The following LRP8 variants were observed in gnomAD, a reference collection of about 807,000 sequenced individuals.
LRP8 encodes the protein low-density lipoprotein receptor-related protein 8.
In LRP8, 46 loss-of-function variants were observed where a neutral mutation model predicts 111.6. That is an observed-to-expected ratio of 0.41 (90% CI 0.33 to 0.53). The LOEUF (loss-of-function observed/expected upper bound fraction) is 0.53. LRP8 is among the 20% of genes least tolerant of loss of function. The probability of loss-of-function intolerance (pLI) is 0.20; values close to 1 mark genes in which losing one functional copy is unlikely to be tolerated. For synonymous variants in LRP8, 464 were observed against 511.2 expected, an observed-to-expected ratio of 0.91 and a Z score of 1.24; for missense variants, 959 against 1,297.4, an observed-to-expected ratio of 0.74 and a Z score of 4.01.
intron 2 of LRP8, among the ~76,000 whole-genome samples, chr1:53,316,096 A>G (rs962230699): frequency 6.6e-6 from 1 of 152,228 alleles, no homozygotes; most frequent in Non-Finnish European, 1.5e-5. Context: ...ACTGAGGGCC[A>G]AGGAGGTTTC....
intron 12 of LRP8, 113 bp downstream of exon 12, chr1:53,261,955 T>G: frequency 7.7e-7 from 1 of 1,292,624 alleles, no homozygotes; most frequent in African/African-American, 1.5e-5. Flanking sequence ...AATCAGTTGG[T>G]TTCCCTGTTC....
At chr1:53,326,250 C>T (rs763840783) in intron 2 of LRP8, among the ~76,000 whole-genome samples, 3 of 152,370 alleles carry the variant, frequency 2.0e-5, no homozygotes, top group South Asian at 2.1e-4. Context: ...CACCTACCAC[C>T]CTAAGGATAT....
At position 53,249,472 on chromosome 1, in the gene LRP8, T is replaced by C. The variant is rs950484016; in HGVS notation, c.2761A>G (p.Lys921Glu). 6.8e-6 allele frequency: 11 copies of C among 1,613,932 alleles called. No homozygotes were observed. In the African/African-American group the frequency reaches 1.3e-4, roughly 20 times the overall value. ...TCCCCCGGCAAGACAAAAAGCTCCT[T>C]GAGGGCAGGGGCTGGGTCTTCCGGT... is the stretch of plus-strand genomic sequence containing the variant. ...REPEDPAPALKELFVLPGEPR... is the reference protein window; with the variant it reads ...REPEDPAPALEELFVLPGEPR... Residue 921 changes from lysine to glutamate, a missense_variant, in exon 18 of 19, where the codon AAG becomes GAG. Coordinates refer to ENST00000306052, the MANE Select transcript of LRP8 (RefSeq NM_004631.5). This position sits in a 1 kb window ranked among gnomAD's most constrained non-coding sequence, Gnocchi z 4.1.
chr1:53,312,068 A>G (rs1653102022), intron 2 of LRP8, among the ~76,000 whole-genome samples: 1 of 152,238 alleles, frequency 6.6e-6, no homozygotes, highest in African/African-American at 2.4e-5. Context: ...CATGGGACAC[A>G]GACAGACAGC....
intron 2 of LRP8, among the ~76,000 whole-genome samples, chr1:53,308,112 A>G (rs1225056224): frequency 6.6e-6 from 1 of 152,212 alleles, no homozygotes; most frequent in Non-Finnish European, 1.5e-5. Context: ...CTCTCCTATC[A>G]GACTGCACTG....
At chr1:53,270,824 ACC>A (rs1646736812) in intron 8 of LRP8, among the ~76,000 whole-genome samples, 1 of 152,028 alleles carries the variant, frequency 6.6e-6, no homozygotes, top group Non-Finnish European at 1.5e-5. Flanking sequence ...TCCTTAATAA[ACC>A]TTCGGCTTAT....
At position 53,250,200 on chromosome 1, in the gene LRP8, T is replaced by C. The variant is rs886263328; in HGVS notation, c.2676+490A>G. 3.3e-5 allele frequency among the ~76,000 whole-genome samples: 5 copies of C among 152,228 alleles called. No homozygotes were observed. The highest frequency in any genetic ancestry group is 4.4e-5 in the Non-Finnish European group (3 of 68,030). On this transcript the variant is annotated intron_variant, in intron 17 of 18. Coordinates refer to ENST00000306052, the MANE Select transcript of LRP8 (RefSeq NM_004631.5). The surrounding 1 kb of genome is among the most constrained non-coding windows in gnomAD (Gnocchi z 4.6). Reference sequence around the variant, plus strand: ...CTTATTGACTTTTGAATACTTGATATCTAATGTGGTGCTTGGCACATAACT... The same window carrying C: ...CTTATTGACTTTTGAATACTTGATACCTAATGTGGTGCTTGGCACATAACT...
Position 53,327,546 on chromosome 1 carries a change from G to A in LRP8, c.124+243C>T, listed in dbSNP as rs1450336639. On this transcript the variant is annotated intron_variant, in intron 1 of 18. Transcript: ENST00000306052. ...GCCCCTCCGGCAAAGTTCCCCGCTG[G>A]CCAAGCCCCCCTGCACCCCTCCCCC... 2.5e-5 allele frequency: 12 copies of A among 481,464 alleles called. No individual in the cohort carries two copies. The East Asian group carries it at 4.5e-4, about 18-fold the overall frequency. The allele number at this position is 481,464 out of a possible 1,614,324, so 29.8% of individuals were successfully genotyped here. A position where few individuals can be genotyped will look rare whatever the true frequency, so the allele number is the denominator to read the frequency against.
intron 2 of LRP8, among the ~76,000 whole-genome samples, chr1:53,321,071 G>T (rs1557872435): frequency 6.6e-6 from 1 of 152,252 alleles, no homozygotes; most frequent in African/African-American, 2.4e-5. Context: ...GTGGTCCCAG[G>T]CATGGGATAT....
chr1:53,255,178 A>G lies in LRP8; in HGVS notation c.2442T>C (p.Asn814=). The change falls in exon 16 of 19, where the codon AAT becomes AAC. Residue 814 remains asparagine (N), a synonymous_variant. Coordinates refer to ENST00000306052, the MANE Select transcript of LRP8 (RefSeq NM_004631.5). ...CTGTTGAGCCCATCTTACTGTCTTC[A>G]TTTGCATCTGCAAAACACAAACATT... ...ATSNHSQHYA[N]EDSKMGSTVT... 2 of 1,613,628 alleles carry G rather than the reference A, an allele frequency of 1.2e-6. No homozygotes were observed. The highest frequency in any genetic ancestry group is 1.7e-6 in the Non-Finnish European group (2 of 1,179,986).
At chr1:53,327,444 T>G (rs896950149) in intron 1 of LRP8, 2 of 259,974 alleles carry the variant, frequency 7.7e-6, no homozygotes, top group Non-Finnish European at 1.5e-5. Flanking sequence ...GCTCTGCTCA[T>G]TACCGCCGCG....
Position 53,280,714 on chromosome 1 carries a change from G to C in LRP8, c.369C>G (p.Thr123=), listed in dbSNP as rs764322609. 2 of 1,611,362 alleles carry C rather than the reference G, an allele frequency of 1.2e-6. No individual in the cohort carries two copies. Among genetic ancestry groups the C allele is most frequent in the Non-Finnish European group, 1.7e-6 (2 of 1,179,946 alleles). The change falls in exon 4 of 19, where the codon ACC becomes ACG. Residue 123 remains threonine, a splice_region_variant and synonymous_variant. Transcript: ENST00000306052. ...DGSDESEATC[T]KQVCPAEKLS... is the part of the protein sequence containing the mutation. The stretch of plus-strand genomic sequence containing the variant: ...GCTTCTCTGCAGGACACACCTGCTT[G>C]GCTGTGGAGACAGACGTCCATGCAT...
intron 2 of LRP8, among the ~76,000 whole-genome samples, chr1:53,319,185 C>T (rs939454223): frequency 3.3e-5 from 5 of 152,126 alleles, no homozygotes; most frequent in Non-Finnish European, 7.4e-5. Context: ...CTGTGAGGCA[C>T]CAACTGGAAA....
In LRP8 at chr1:53,271,324, G is replaced by A; in HGVS notation, c.1029C>T (p.Asn343=). ...TGCAGATGTGTGAGCAGCCGCCATT[G>A]TTGTGCAGACACTCGTTCAGCCCTG... The part of the protein sequence containing the change: ...CLQGLNECLH[N]NGGCSHICTD... The change falls in exon 7 of 19, where the codon AAC becomes AAT. Residue 343 remains asparagine, a synonymous_variant. Transcript: ENST00000306052. 6.2e-7 allele frequency: 1 copy of A among 1,614,050 alleles called. No homozygotes were observed. The highest frequency in any genetic ancestry group is 8.5e-7 in the Non-Finnish European group (1 of 1,180,012).
intron 2 of LRP8, among the ~76,000 whole-genome samples, chr1:53,296,851 G>C (rs539410753): frequency 6.6e-6 from 1 of 152,334 alleles, no homozygotes; most frequent in Admixed American, 6.5e-5. Context: ...CTGGCATGGA[G>C]CTGGGGCTCA....
chr1:53,269,868 C>T (rs576012041), intron 8 of LRP8, among the ~76,000 whole-genome samples: 1 of 152,058 alleles, frequency 6.6e-6, no homozygotes, highest in Non-Finnish European at 1.5e-5. Flanking sequence ...CTGCTGAATC[C>T]CCAGTGTCTA....
chr1:53,254,574 G>T (rs1392455088), intron 16 of LRP8, among the ~76,000 whole-genome samples: 1 of 151,986 alleles, frequency 6.6e-6, no homozygotes, highest in Non-Finnish European at 1.5e-5. Flanking sequence ...TCTCTAACAA[G>T]ACTATAAACT....
In LRP8 at chr1:53,266,780, C is replaced by T. The variant is rs547464689; in HGVS notation, c.1253-133G>A. Reference sequence around the variant, plus strand: ...AATAGTAGTGACAATTCCTACTTTACAGGTTGCAGGAGCAGATGAAATAAT... The same window carrying T: ...AATAGTAGTGACAATTCCTACTTTATAGGTTGCAGGAGCAGATGAAATAAT... On this transcript the variant is annotated intron_variant, in intron 8 of 18. Coordinates refer to ENST00000306052, the MANE Select transcript of LRP8 (RefSeq NM_004631.5). This position sits in a 1 kb window ranked among gnomAD's most constrained non-coding sequence, Gnocchi z 5.0. 8.2e-6 allele frequency: 6 copies of T among 732,992 alleles called. No homozygotes were observed. In the East Asian group the frequency reaches 1.3e-4, roughly 16 times the overall value. 45.4% of individuals were successfully genotyped at this position (732,992 alleles called of 1,614,324 possible). A position where few individuals can be genotyped will look rare whatever the true frequency, so the allele number is the denominator to read the frequency against.
chr1:53,302,856 A>ACTTTTTTTTT (rs1553191209), intron 2 of LRP8, among the ~76,000 whole-genome samples: 7 of 126,606 alleles, frequency 5.5e-5, no homozygotes, highest in Admixed American at 8.5e-5. Context: ...CACCCAGCTA[A>ACTTTTTTTTT]TTTTTTTTTT....
Sources: allele counts gnomAD v4.1 joint callset (sites outside exome capture counted in the v4.1 genomes callset), GRCh38; gene constraint gnomAD v4.1.1; non-coding constraint Gnocchi (gnomAD v3.1); transcripts MANE v1.5; gene names NCBI Gene and HGNC (gene_info 2026-07-23, HGNC 2026-07-21).